Variants in EXOC1 observed in about 807,000 individuals in gnomAD.
EXOC1 encodes SEC3-like 1.
In EXOC1, 67 loss-of-function variants were observed where a neutral mutation model predicts 107.7. The ratio of observed to expected loss-of-function variants is 0.62; its 90% confidence interval spans 0.51 to 0.76. The LOEUF (loss-of-function observed/expected upper bound fraction) is 0.76, where lower values mean the gene tolerates loss of function less well. EXOC1 is among the 30% of genes least tolerant of loss of function. EXOC1 has a pLI of 0.00. For missense variants in EXOC1, 833 were observed against 1,055.7 expected, an observed-to-expected ratio of 0.79 and a Z score of 2.92; for synonymous variants, 348 against 353.5, an observed-to-expected ratio of 0.98 and a Z score of 0.17.
rs530767045 is a variant in EXOC1 at position 55,856,976 on chromosome 4, G to T, written c.-10-1338G>T. On this transcript the variant is annotated intron_variant, in intron 1 of 18. Coordinates refer to ENST00000381295, the MANE Select transcript of EXOC1 (RefSeq NM_001024924.2). ...CCATACCCATTAACAGTCAATCCTC[G>T]TTTCCACCTTCCCTTCCAGCTCCCG... Among the ~76,000 whole-genome samples, 3 of 151,644 alleles carry T rather than the reference G, an allele frequency of 2.0e-5. No individual in the cohort carries two copies. The East Asian group carries it at 5.8e-4, about 29-fold the overall frequency.
chr4:55,894,614 C>CTTTTTTTTTTTT (rs772700227), intron 15 of EXOC1, among the ~76,000 whole-genome samples: 60 of 76,132 alleles, frequency 7.9e-4, no homozygotes, highest in Non-Finnish European at 8.5e-4. Flanking sequence ...CTATCTGTTA[C>CTTTTTTTTTTTT]TTTTTTTTTT....
intron 15 of EXOC1, among the ~76,000 whole-genome samples, chr4:55,896,315 A>G (rs560738092): frequency 4.0e-5 from 6 of 151,826 alleles, no homozygotes; most frequent in African/African-American, 1.2e-4. Context: ...CCACCCAGCT[A>G]ATTTTTTTTT....
chr4:55,856,691 A>C (rs1465908745), intron 1 of EXOC1, among the ~76,000 whole-genome samples: 1 of 152,212 alleles, frequency 6.6e-6, no homozygotes, highest in East Asian at 1.9e-4. Context: ...ATTGTAATAC[A>C]TATCCACACA....
intron 10 of EXOC1, among the ~76,000 whole-genome samples, chr4:55,886,173 T>G (rs1326861106): frequency 1.3e-5 from 2 of 152,196 alleles, no homozygotes; most frequent in Non-Finnish European, 2.9e-5. Flanking sequence ...ATGTTTAAGG[T>G]AGGCTAGGCC....
At chr4:55,856,976 G>A (rs530767045) in intron 1 of EXOC1, among the ~76,000 whole-genome samples, 1 of 151,526 alleles carries the variant, frequency 6.6e-6, no homozygotes, top group African/African-American at 2.4e-5. Flanking sequence ...GTCAATCCTC[G>A]TTTCCACCTT....
intron 7 of EXOC1, 111 bp from the exon 8 acceptor site, chr4:55,871,738 C>T (rs1264537395): frequency 3.7e-6 from 3 of 810,090 alleles, no homozygotes; most frequent in African/African-American, 1.7e-5. Context: ...AATGAATACA[C>T]CCATAAAACT....
intron 9 of EXOC1, among the ~76,000 whole-genome samples, chr4:55,878,279 C>G (rs893717551): frequency 6.6e-6 from 1 of 152,064 alleles, no homozygotes; most frequent in African/African-American, 2.4e-5. Context: ...AAATATTAAG[C>G]CATACTGTAG....
intron 11 of EXOC1, among the ~76,000 whole-genome samples, chr4:55,889,866 A>G (rs1245032398): frequency 1.3e-5 from 2 of 152,270 alleles, no homozygotes; most frequent in African/African-American, 4.8e-5. Context: ...ACCTTCATCC[A>G]TATTCCTGTC....
At chr4:55,892,554 G>T in intron 13 of EXOC1, 81 bp from the exon 14 acceptor site, 1 of 1,091,112 alleles carries the variant, frequency 9.2e-7, no homozygotes, top group Non-Finnish European at 1.4e-6. Flanking sequence ...GGAATTTTAA[G>T]ACTGAGCAGG....
chr4:55,895,468 T>A (rs1411673480), intron 15 of EXOC1, among the ~76,000 whole-genome samples: 2 of 152,216 alleles, frequency 1.3e-5, no homozygotes, highest in Non-Finnish European at 2.9e-5. Context: ...ACTGATGAAG[T>A]AGAACATTAG....
Position 55,871,780 on chromosome 4 carries a change from A to G in EXOC1, c.965-69A>G, listed in dbSNP as rs1722465963. On this transcript the variant is annotated intron_variant, in intron 7 of 18. Coordinates refer to ENST00000381295, the MANE Select transcript of EXOC1 (RefSeq NM_001024924.2). ...TTCTTCAAAACGTTAGATACGTTTA[A>G]TGTTCCATTAAACATCAAGGAAATC... 5.0e-6 allele frequency: 7 copies of G among 1,394,008 alleles called. No individual in the cohort carries two copies. The East Asian group carries it at 9.2e-5, about 18-fold the overall frequency. 86.4% of individuals were successfully genotyped at this position (1,394,008 alleles called of 1,614,324 possible). A position where few individuals can be genotyped will look rare whatever the true frequency, so the allele number is the denominator to read the frequency against.
intron 8 of EXOC1, chr4:55,872,940 C>T (rs557386861): frequency 2.2e-5 from 5 of 223,410 alleles, no homozygotes; most frequent in South Asian, 1.6e-4. Context: ...TAACCACATT[C>T]GTAGCAGTTT....
At chr4:55,867,913 G>A (rs1007928359) in intron 4 of EXOC1, among the ~76,000 whole-genome samples, 26 of 152,110 alleles carry the variant, frequency 1.7e-4, no homozygotes, top group African/African-American at 6.0e-4. Context: ...AATTTCACCT[G>A]GGAAAAAAAG....
intron 10 of EXOC1, among the ~76,000 whole-genome samples, chr4:55,886,575 C>CAAAAAAA (rs71832369): frequency 9.4e-5 from 9 of 96,232 alleles, no homozygotes; most frequent in Non-Finnish European, 2.3e-5. Flanking sequence ...AACAAAAAAA[C>CAAAAAAA]AAAAAAAAAA....
intron 10 of EXOC1, among the ~76,000 whole-genome samples, chr4:55,884,621 A>G (rs1723698822): frequency 6.6e-6 from 1 of 152,210 alleles, no homozygotes; most frequent in Admixed American, 6.5e-5. Context: ...CTGCTCTTGC[A>G]TGTATCCATC....
chr4:55,876,975 G>A (rs1722962662), intron 8 of EXOC1: 1 of 985,164 alleles, frequency 1.0e-6, no homozygotes, highest in South Asian at 4.7e-5. Flanking sequence ...CAGTTACCAA[G>A]GAACTCCTCA....
chr4:55,876,426 A>G, intron 8 of EXOC1: 1 of 683,280 alleles, frequency 1.5e-6, no homozygotes, highest in Non-Finnish European at 1.8e-6. Flanking sequence ...CTCCAAGCAC[A>G]TGTTTTTGCA....
chr4:55,901,638 T>G (rs572520619), intron 17 of EXOC1, among the ~76,000 whole-genome samples: 1 of 152,230 alleles, frequency 6.6e-6, no homozygotes, highest in Non-Finnish European at 1.5e-5. Flanking sequence ...CAGGTTAACC[T>G]TATTTATAGC....
At chr4:55,886,266 AC>A (rs1723864741) in intron 10 of EXOC1, among the ~76,000 whole-genome samples, 1 of 151,894 alleles carries the variant, frequency 6.6e-6, no homozygotes, top group South Asian at 2.1e-4. Context: ...TCAAAATGTA[AC>A]TCCAGCCTGG....
Sources: gnomAD v4.1 joint callset for allele counts (sites outside exome capture counted in the v4.1 genomes callset) on GRCh38, gnomAD v4.1.1 for gene constraint, MANE v1.5 for transcripts, NCBI Gene and HGNC (gene_info 2026-07-23, HGNC 2026-07-21) for gene names.